AMY2B: variants seen among roughly 807,000 people sequenced by gnomAD.
AMY2B encodes the protein amylase alpha 2B.
AMY2B carries 63 observed loss-of-function variants against 59.3 expected under a neutral mutation model. The observed-to-expected ratio is 1.06, with a 90% CI of 0.87 to 1.31. The LOEUF is 1.31. Ranked by LOEUF, AMY2B falls within the 50% of genes most tolerant of loss-of-function variation. The pLI is 0.00. For missense variants in AMY2B, 635 were observed against 626.7 expected (o/e 1.01, Z -0.14); for synonymous variants, 180 against 198.1 (o/e 0.91, Z 0.77).
upstream of AMY2B, chr1:103,571,546 G>A: frequency 2.5e-6 from 4 of 1,585,148 alleles, no homozygotes; most frequent in East Asian, 2.2e-5. Flanking sequence ...TGTAAAATGT[G>A]CTTCTTACAG....
upstream of AMY2B, chr1:103,568,909 T>C (rs1652004501): frequency 6.6e-6 from 1 of 151,874 alleles, no homozygotes; most frequent in African/African-American, 2.4e-5. Flanking sequence ...GAGTAATATA[T>C]AAAGGAAAAA....
chr1:103,574,307 A>G lies in AMY2B; in HGVS notation c.792A>G (p.Gly264=), dbSNP rs369145442. ...CAATTAAAAGCAGTGACTACTTTGG[A>G]AATGGCCGGGTGACAGAATTCAAGT... is the stretch of plus-strand genomic sequence containing the variant. ...GEPIKSSDYF[G]NGRVTEFKYG... is the part of the protein sequence containing the mutation. Residue 264 remains glycine, a synonymous_variant, in exon 5 of 10, where the codon GGA becomes GGG. Coordinates refer to ENST00000684275, the MANE Select transcript of AMY2B (RefSeq NM_001387437.1). The G allele has an allele frequency of 6.2e-6, 10 of 1,611,694 alleles. No individual in the cohort carries two copies. The highest frequency in any genetic ancestry group is 8.5e-6 in the Non-Finnish European group (10 of 1,179,730).
chr1:103,566,540 C>T (rs956296072), intron 2 of AMY2B, among the ~76,000 whole-genome samples: 3 of 152,010 alleles, frequency 2.0e-5, no homozygotes, highest in African/African-American at 4.8e-5. Flanking sequence ...TCACACTATC[C>T]GAGTGTGTTT....
intron 9 of AMY2B, among the ~76,000 whole-genome samples, chr1:103,578,495 G>A (rs1049475206): frequency 1.1e-4 from 17 of 152,154 alleles, no homozygotes; most frequent in Admixed American, 2.0e-4. Context: ...AGAAGACCTC[G>A]TTGCAAACAG....
At chr1:103,557,180 AT>A (rs2101058836) in intron 1 of AMY2B, among the ~76,000 whole-genome samples, 1 of 152,284 alleles carries the variant, frequency 6.6e-6, no homozygotes, top group African/African-American at 2.4e-5. Flanking sequence ...ACATACATAC[AT>A]ACATACATAC....
upstream of AMY2B, chr1:103,570,267 A>G (rs183616642): frequency 2.7e-5 from 15 of 557,230 alleles, no homozygotes; most frequent in Admixed American, 2.9e-4. Context: ...TGGAGAAGAG[A>G]TATGAGCTGC....
chr1:103,569,430 G>GTC (rs1347625019), upstream of AMY2B: 1 of 228,364 alleles, frequency 4.4e-6, no homozygotes, highest in Non-Finnish European at 8.8e-6. Context: ...GTGTGTGTGT[G>GTC]TGTACACTGC....
chr1:103,579,220 T>C, intron 9 of AMY2B, 91 bp from the exon 10 acceptor site: 1 of 1,607,348 alleles, frequency 6.2e-7, no homozygotes, highest in Non-Finnish European at 8.5e-7. Context: ...TGCTTAGGGT[T>C]CTACAACATA....
chr1:103,566,431 A>T (rs1031415462), intron 2 of AMY2B, among the ~76,000 whole-genome samples: 4 of 152,214 alleles, frequency 2.6e-5, no homozygotes, highest in Admixed American at 2.6e-4. Flanking sequence ...GACACTAGGG[A>T]AATTAATATT....
chr1:103,556,729 G>A (rs528173380), intron 1 of AMY2B, among the ~76,000 whole-genome samples: 158 of 152,100 alleles, frequency 1.0e-3, no homozygotes, highest in African/African-American at 3.7e-3. Flanking sequence ...ATGAATTCAA[G>A]AAATTGGGAA....
chr1:103,567,091 A>ATAAAT (rs1340562793), upstream of AMY2B, among the ~76,000 whole-genome samples: 17 of 152,184 alleles, frequency 1.1e-4, no homozygotes, highest in African/African-American at 4.1e-4. Flanking sequence ...TTAATGTCAT[A>ATAAAT]TAAATTAAGA....
At chr1:103,564,243 A>G (rs1651831539) in intron 1 of AMY2B, among the ~76,000 whole-genome samples, 1 of 152,152 alleles carries the variant, frequency 6.6e-6, no homozygotes, top group Non-Finnish European at 1.5e-5. Flanking sequence ...CAGGTTATAA[A>G]TGGAAAAGTC....
intron 1 of AMY2B, among the ~76,000 whole-genome samples, chr1:103,562,758 T>C (rs892754616): frequency 6.6e-5 from 10 of 150,726 alleles, no homozygotes; most frequent in African/African-American, 2.4e-4. Context: ...CTACTTTGGA[T>C]AGGGGGAAAG....
In AMY2B at chr1:103,574,270, T is replaced by C; in HGVS notation, c.755T>C (p.Leu252Pro). ...CTAATTTTCTACTAGGTAATTGATC[T>C]GGGTGGTGAGCCAATTAAAAGCAGT... ...KPFIYQEVID[L>P]GGEPIKSSDY... is the part of the protein sequence containing the mutation. The change falls in exon 5 of 10, where the codon CTG (leucine) becomes CCG (proline). Residue 252 changes from leucine to proline, a missense_variant. Transcript: ENST00000684275. The C allele has an allele frequency of 6.2e-7, 1 of 1,611,814 alleles. No individual in the cohort carries two copies. The highest frequency in any genetic ancestry group is 1.3e-5 in the African/African-American group (1 of 74,966).
At chr1:103,561,457 A>G (rs1247490777) in intron 1 of AMY2B, among the ~76,000 whole-genome samples, 1 of 151,934 alleles carries the variant, frequency 6.6e-6, no homozygotes, top group Admixed American at 6.6e-5. Flanking sequence ...TAGTAGAGAC[A>G]GGGTTTTGCT....
chr1:103,569,482 C>G (rs190701357), upstream of AMY2B: 1 of 222,508 alleles, frequency 4.5e-6, no homozygotes, highest in Non-Finnish European at 9.1e-6. Flanking sequence ...TAAGAAAAAA[C>G]CAGTCACCTC....
upstream of AMY2B, chr1:103,571,102 GGT>G: frequency 1.1e-6 from 1 of 944,038 alleles, no homozygotes; most frequent in Non-Finnish European, 1.3e-6. Context: ...CTGTCCTGTC[GGT>G]CTGTCAGGGT....
chr1:103,566,793 T>C (rs1470811355), upstream of AMY2B, among the ~76,000 whole-genome samples: 4 of 152,196 alleles, frequency 2.6e-5, no homozygotes, highest in Admixed American at 2.0e-4. Context: ...TGTACAACAC[T>C]TTTGCTAGGA....
At chr1:103,573,038 C>G (rs770020740) in intron 2 of AMY2B, 25 bp from the exon 3 acceptor site, 3 of 1,612,800 alleles carry the variant, frequency 1.9e-6, no homozygotes, top group East Asian at 4.5e-5. Flanking sequence ...GTAAGTCACA[C>G]TGAAGTAGAA....
Sources: allele counts gnomAD v4.1 joint callset (sites outside exome capture counted in the v4.1 genomes callset), GRCh38; gene constraint gnomAD v4.1.1; transcripts MANE v1.5; gene names NCBI Gene and HGNC (gene_info 2026-07-23, HGNC 2026-07-21).